Variants in CADPS2 observed in about 807,000 individuals in gnomAD.
CADPS2 encodes calcium dependent secretion activator 2, also known as calcium-dependent secretion activator 2.
In CADPS2, 93 loss-of-function variants were observed where a neutral mutation model predicts 172.5. The observed-to-expected ratio is 0.54, with a 90% CI of 0.46 to 0.64. The LOEUF (loss-of-function observed/expected upper bound fraction) is 0.64, where lower values mean the gene tolerates loss of function less well. Ranked by LOEUF, CADPS2 falls within the 30% of genes least tolerant of loss-of-function variation. The probability of loss-of-function intolerance (pLI) is 0.00; values close to 1 mark genes in which losing one functional copy is unlikely to be tolerated. For synonymous variants in CADPS2, 546 were observed against 555.2 expected (o/e 0.98, Z 0.23); for missense variants, 1,420 against 1,565.9 (o/e 0.91, Z 1.57).
chr7:122,760,663 G>T (rs547775252), intron 1 of CADPS2, among the ~76,000 whole-genome samples: 1 of 151,968 alleles, frequency 6.6e-6, no homozygotes, highest in Admixed American at 6.6e-5. Context: ...TCCTTTGTAG[G>T]GACATGGATG....
chr7:122,607,402 C>A (rs2073716597), intron 6 of CADPS2, among the ~76,000 whole-genome samples: 1 of 152,110 alleles, frequency 6.6e-6, no homozygotes, highest in African/African-American at 2.4e-5. Context: ...CCTACTTAAG[C>A]CCTTCCAAAT....
At chr7:122,669,495 A>C (rs1013310263) in intron 2 of CADPS2, among the ~76,000 whole-genome samples, 2 of 151,974 alleles carry the variant, frequency 1.3e-5, no homozygotes, top group Non-Finnish European at 2.9e-5. Context: ...GGGATGGATA[A>C]ATATCCAGTA....
intron 17 of CADPS2, chr7:122,436,279 T>A: frequency 1.3e-6 from 1 of 791,066 alleles, no homozygotes. Flanking sequence ...TGCCTGTCAA[T>A]CATGTCTCAA....
At chr7:122,516,494 T>A (rs911007065) in intron 8 of CADPS2, among the ~76,000 whole-genome samples, 2 of 152,106 alleles carry the variant, frequency 1.3e-5, no homozygotes, top group Non-Finnish European at 2.9e-5. Flanking sequence ...GCTATGACCA[T>A]GCCACTGCAC....
chr7:122,480,042 G>A (rs1563458389), intron 12 of CADPS2: 12 of 465,208 alleles, frequency 2.6e-5, no homozygotes, highest in Non-Finnish European at 4.9e-5. Context: ...TTTGGTTGGA[G>A]AGAACAAAGT....
At chr7:122,416,887 C>T (rs2047987200) in intron 17 of CADPS2, among the ~76,000 whole-genome samples, 1 of 152,170 alleles carries the variant, frequency 6.6e-6, no homozygotes. Flanking sequence ...TTCTAAGATT[C>T]AACAAGCTGG....
Position 122,883,783 on chromosome 7 carries a change from C to T in CADPS2, c.339+2216G>A, listed in dbSNP as rs560488192. 1.6e-4 allele frequency among the ~76,000 whole-genome samples: 25 copies of T among 152,230 alleles called. No homozygotes were observed. The South Asian group carries it at 5.2e-3, about 32-fold the overall frequency. On this transcript the variant is annotated intron_variant, in intron 1 of 29. Transcript: ENST00000449022. ...AATAAAAGTAATTCACAAAAGTTAA[C>T]CTGTGCTCAATGCTCTAAGCATTTA...
chr7:122,621,431 T>G (rs377148125), intron 5 of CADPS2, 50 bp downstream of exon 5: 120 of 1,160,046 alleles, frequency 1.0e-4, no homozygotes, highest in Admixed American at 2.2e-4. Flanking sequence ...GAAATTATTG[T>G]GCATCATCAT....
chr7:122,517,388 C>T (rs781733523), intron 8 of CADPS2, among the ~76,000 whole-genome samples: 3 of 152,138 alleles, frequency 2.0e-5, no homozygotes, highest in Admixed American at 6.6e-5. Flanking sequence ...TTTGTGTAGG[C>T]ATGTCTTCAT....
chr7:122,358,822 T>C (rs1288321516), intron 27 of CADPS2, among the ~76,000 whole-genome samples: 1 of 152,148 alleles, frequency 6.6e-6, no homozygotes, highest in African/African-American at 2.4e-5. Flanking sequence ...CTTTGTAATC[T>C]GCCATGGTCA....
At chr7:122,529,569 A>T (rs545172947) in intron 8 of CADPS2, among the ~76,000 whole-genome samples, 31 of 152,214 alleles carry the variant, frequency 2.0e-4, no homozygotes, top group African/African-American at 6.7e-4. Context: ...ATTTTTCTTA[A>T]TGAGTAACAA....
rs540456350 is a variant in CADPS2, at chr7:122,624,632, T to C, written c.868-2915A>G. On this transcript the variant is annotated intron_variant, in intron 4 of 29. Transcript: ENST00000449022. Reference sequence around the variant, plus strand: ...CTACAAATTAGAGCAGATTCAGTTATCCTTACCATATTGGTATTCTCTCTT... The same window carrying C: ...CTACAAATTAGAGCAGATTCAGTTACCCTTACCATATTGGTATTCTCTCTT... 4.6e-5 allele frequency among the ~76,000 whole-genome samples: 7 copies of C among 152,334 alleles called. 1 individual carries two copies. Among genetic ancestry groups the C allele is most frequent in the African/African-American group, 1.7e-4 (7 of 41,578 alleles).
chr7:122,699,299 A>G (rs2085652687), intron 2 of CADPS2: 1 of 168,086 alleles, frequency 5.9e-6, no homozygotes, highest in African/African-American at 2.4e-5. Context: ...ACTGAGCTAC[A>G]TATAATGGTA....
At chr7:122,705,005 A>G (rs1016796274) in intron 2 of CADPS2, among the ~76,000 whole-genome samples, 1 of 152,034 alleles carries the variant, frequency 6.6e-6, no homozygotes, top group Non-Finnish European at 1.5e-5. Flanking sequence ...CTGAGGAGAG[A>G]AGCATCCCAA....
intron 7 of CADPS2, among the ~76,000 whole-genome samples, chr7:122,564,851 A>ACGCACG (rs761109316): frequency 1.0e-5 from 1 of 97,970 alleles, no homozygotes; most frequent in Non-Finnish European, 2.7e-5. Context: ...ACACATGCAC[A>ACGCACG]CACACACACA....
intron 17 of CADPS2, among the ~76,000 whole-genome samples, chr7:122,429,714 A>AT (rs2151882289): frequency 6.6e-6 from 1 of 152,252 alleles, no homozygotes; most frequent in Admixed American, 6.5e-5. Context: ...CAGGTCTATT[A>AT]TTTAGGTGTC....
chr7:122,719,643 C>T (rs1190315132), intron 2 of CADPS2, among the ~76,000 whole-genome samples: 2 of 152,094 alleles, frequency 1.3e-5, no homozygotes, highest in Non-Finnish European at 2.9e-5. Flanking sequence ...CCATGCTACA[C>T]CATCAAATGT....
chr7:122,725,781 G>A (rs750589839), intron 2 of CADPS2, among the ~76,000 whole-genome samples: 3 of 151,770 alleles, frequency 2.0e-5, no homozygotes, highest in Non-Finnish European at 4.4e-5. Context: ...GATACAGAGA[G>A]ACACCATGGT....
chr7:122,813,391 A>G (rs1326419720), intron 1 of CADPS2, among the ~76,000 whole-genome samples: 3 of 152,126 alleles, frequency 2.0e-5, no homozygotes, highest in East Asian at 1.9e-4. Flanking sequence ...TAATTATGCT[A>G]ATTTGTAATA....
Sources: gnomAD v4.1 joint callset for allele counts (sites outside exome capture counted in the v4.1 genomes callset) on GRCh38, gnomAD v4.1.1 for gene constraint, MANE v1.5 for transcripts, NCBI Gene and HGNC (gene_info 2026-07-23, HGNC 2026-07-21) for gene names.